Variants in PLN observed in about 807,000 individuals in gnomAD.
PLN encodes the protein phospholamban.
PLN carries 1 observed loss-of-function variant against 3.9 expected under a neutral mutation model. The observed-to-expected ratio is 0.26, with a 90% confidence interval of 0.09 to 1.23. The LOEUF is 1.23. Ranked by LOEUF, PLN falls within the 50% of genes most tolerant of loss-of-function variation. The pLI, the probability that PLN is intolerant of heterozygous loss-of-function variation, is 0.48. For missense variants in PLN, 59 were observed against 62.7 expected, an observed-to-expected ratio of 0.94 and a Z score of 0.20; for synonymous variants, 21 against 20.5, an observed-to-expected ratio of 1.02 and a Z score of -0.07.
intron 1 of PLN, among the ~76,000 whole-genome samples, chr6:118,558,404 A>G (rs1201884115): frequency 1.3e-5 from 2 of 152,148 alleles, no homozygotes; most frequent in Admixed American, 1.3e-4. Flanking sequence ...GTTTACATCA[A>G]TCAGCCTAGG....
chr6:118,551,511 G>C (rs1236543995), intron 1 of PLN, among the ~76,000 whole-genome samples: 3 of 151,810 alleles, frequency 2.0e-5, no homozygotes, highest in African/African-American at 7.3e-5. Flanking sequence ...AAATACACTT[G>C]TAAAGCATTG....
At position 118,561,344 on chromosome 6, in the gene PLN, A is replaced by C. The variant is rs1322708799; in HGVS notation, c.*2264A>C. 6.6e-6 allele frequency among the ~76,000 whole-genome samples: 1 copy of C among 152,152 alleles called. No homozygotes were observed. The highest frequency in any genetic ancestry group is 1.5e-5 in the Non-Finnish European group (1 of 67,994). ...TCCTTTGATTACACTGTTTGTTACA[A>C]TATTTTTCTCAGTAAACAGAAATAA... On this transcript the variant is annotated 3_prime_UTR_variant, in exon 2 of 2. Transcript: ENST00000357525.
chr6:118,550,673 A>G (rs1431600958), intron 1 of PLN, among the ~76,000 whole-genome samples: 5 of 151,918 alleles, frequency 3.3e-5, no homozygotes, highest in Non-Finnish European at 5.9e-5. Context: ...ACTAAGCCAC[A>G]TGCACATCCT....
At chr6:118,558,512 T>C (rs1779009758) in intron 1 of PLN, among the ~76,000 whole-genome samples, 1 of 151,914 alleles carries the variant, frequency 6.6e-6, no homozygotes, top group Admixed American at 6.6e-5. Context: ...GTAGTAAATT[T>C]GGGAGAAAAA....
intron 1 of PLN, among the ~76,000 whole-genome samples, chr6:118,551,098 C>A (rs892504550): frequency 2.6e-5 from 4 of 152,008 alleles, no homozygotes; most frequent in African/African-American, 9.6e-5. Flanking sequence ...GTTAACATCT[C>A]CTCAAAACTT....
chr6:118,551,939 T>C (rs981918944), intron 1 of PLN, among the ~76,000 whole-genome samples: 3 of 152,016 alleles, frequency 2.0e-5, no homozygotes, highest in African/African-American at 7.2e-5. Context: ...TCCTAATTTA[T>C]TACCACAAGT....
intron 1 of PLN, among the ~76,000 whole-genome samples, chr6:118,552,245 TAAAG>T (rs1315260116): frequency 6.6e-6 from 1 of 151,944 alleles, no homozygotes; most frequent in African/African-American, 2.4e-5. Flanking sequence ...TCTACAAACA[TAAAG>T]AATCCCAGGA....
intron 1 of PLN, among the ~76,000 whole-genome samples, chr6:118,554,512 T>C (rs56007878): frequency 0.017 from 2,586 of 152,262 alleles, 68 homozygotes; most frequent in African/African-American, 0.059. Context: ...TATTTAACTT[T>C]AGTGATTTAT....
chr6:118,560,311 ATATG>A lies in PLN; in HGVS notation c.*1235_*1238del, dbSNP rs1482476169. The A allele has an allele frequency of 1.2e-5, 2 of 167,078 alleles. No homozygotes were observed. The highest frequency in any genetic ancestry group is 3.8e-4 in the East Asian group (2 of 5,208). 10.3% of individuals were successfully genotyped at this position (167,078 alleles called of 1,614,324 possible). Reference sequence around the variant, plus strand: ...TAAATTAACACATATTTTGCGTGTTATATGTATTATACACTATATTCCTACAATA... The same window carrying A: ...TAAATTAACACATATTTTGCGTGTTATATTATACACTATATTCCTACAATA... On this transcript the variant is annotated 3_prime_UTR_variant, in exon 2 of 2. Coordinates refer to ENST00000357525, the MANE Select transcript of PLN (RefSeq NM_002667.5).
At chr6:118,549,955 A>G (rs559007479) in intron 1 of PLN, among the ~76,000 whole-genome samples, 2 of 152,002 alleles carry the variant, frequency 1.3e-5, no homozygotes, top group African/African-American at 4.8e-5. Flanking sequence ...AGTACCATAC[A>G]TTGTGTCCCA....
At chr6:118,557,614 G>C (rs1778954197) in intron 1 of PLN, among the ~76,000 whole-genome samples, 2 of 152,130 alleles carry the variant, frequency 1.3e-5, no homozygotes, top group Non-Finnish European at 2.9e-5. Flanking sequence ...TGATGGAGTG[G>C]CCTCCTATCC....
At position 118,556,803 on chromosome 6, in the gene PLN, A is replaced by G. The variant is rs547705340; in HGVS notation, c.-97-2022A>G. 3.3e-5 allele frequency among the ~76,000 whole-genome samples: 5 copies of G among 152,318 alleles called. No homozygotes were observed. In the South Asian group the frequency reaches 8.3e-4, roughly 25 times the overall value. ...ATTTTTCTTATTTCAAAATTGACAC[A>G]TAAGTATACTGATTGAAAACAAAAT... On this transcript the variant is annotated intron_variant, in intron 1 of 1. Coordinates refer to ENST00000357525, the MANE Select transcript of PLN (RefSeq NM_002667.5).
chr6:118,556,796 T>C (rs2114957530), intron 1 of PLN, among the ~76,000 whole-genome samples: 1 of 152,320 alleles, frequency 6.6e-6, no homozygotes, highest in East Asian at 1.9e-4. Context: ...TATTTCAAAA[T>C]TGACACATAA....
At position 118,558,883 on chromosome 6, in the gene PLN, G is replaced by A. The variant is rs375430634; in HGVS notation, c.-39G>A. The A allele has an allele frequency of 7.7e-6, 12 of 1,560,812 alleles. No homozygotes were observed. Among genetic ancestry groups the A allele is most frequent in the South Asian group, 2.2e-5 (2 of 89,774 alleles). On this transcript the variant is annotated 5_prime_UTR_variant, in exon 2 of 2. Coordinates refer to ENST00000357525, the MANE Select transcript of PLN (RefSeq NM_002667.5). ...GCTGCCAGCTTTTTATCTTTCTCTCGACCACTTAAAACTTCAGACTTCCTG... is the reference window on the plus strand; with the variant it reads ...GCTGCCAGCTTTTTATCTTTCTCTCAACCACTTAAAACTTCAGACTTCCTG...
Position 118,560,311 on chromosome 6 carries a change from A to G in PLN, c.*1231A>G, listed in dbSNP as rs1779148721. The G allele has an allele frequency of 6.0e-6, 1 of 167,078 alleles. No homozygotes were observed. The highest frequency in any genetic ancestry group is 6.5e-5 in the Admixed American group (1 of 15,282). The allele number at this position is 167,078 out of a possible 1,614,324, so 10.3% of individuals were successfully genotyped here. A position where few individuals can be genotyped will look rare whatever the true frequency, so the allele number is the denominator to read the frequency against. ...TAAATTAACACATATTTTGCGTGTTATATGTATTATACACTATATTCCTAC... is the reference window on the plus strand; with the variant it reads ...TAAATTAACACATATTTTGCGTGTTGTATGTATTATACACTATATTCCTAC... On this transcript the variant is annotated 3_prime_UTR_variant, in exon 2 of 2. Coordinates refer to ENST00000357525, the MANE Select transcript of PLN (RefSeq NM_002667.5).
At chr6:118,556,128 T>C (rs534053435) in intron 1 of PLN, among the ~76,000 whole-genome samples, 8 of 152,356 alleles carry the variant, frequency 5.3e-5, no homozygotes, top group African/African-American at 9.6e-5. Context: ...TGTATGTCTT[T>C]ACGGCAGAAA....
chr6:118,558,650 C>CAGAGAG (rs1433315078), intron 1 of PLN, among the ~76,000 whole-genome samples, 175 bp from the exon 2 acceptor site: 1 of 136,654 alleles, frequency 7.3e-6, no homozygotes, highest in African/African-American at 3.3e-5. Flanking sequence ...CACACACACA[C>CAGAGAG]ACACACACAC....
At chr6:118,556,220 C>T (rs1267200438) in intron 1 of PLN, among the ~76,000 whole-genome samples, 2 of 152,140 alleles carry the variant, frequency 1.3e-5, no homozygotes, top group Non-Finnish European at 2.9e-5. Context: ...CTGCTATTTT[C>T]TAAGTAGAAG....
intron 1 of PLN, among the ~76,000 whole-genome samples, chr6:118,555,817 G>A (rs1489159814): frequency 6.7e-6 from 1 of 149,814 alleles, no homozygotes; most frequent in Non-Finnish European, 1.5e-5. Flanking sequence ...CCCCGCTCAA[G>A]TAGACCCCAG....
Sources: gnomAD v4.1 joint callset for allele counts (sites outside exome capture counted in the v4.1 genomes callset) on GRCh38, gnomAD v4.1.1 for gene constraint, MANE v1.5 for transcripts, NCBI Gene and HGNC (gene_info 2026-07-23, HGNC 2026-07-21) for gene names.